PCDHB5: variants seen among roughly 807,000 people sequenced by gnomAD.
The protein encoded by PCDHB5 is protocadherin beta 5.
For missense variants in PCDHB5, 1,125 were observed against 1,029.4 expected (o/e 1.09, Z -1.27); for synonymous variants, 569 against 462.2 (o/e 1.23, Z -2.96).
rs246726 is a variant in PCDHB5 at position 141,137,213 on chromosome 5, T to A, written c.1779T>A (p.Gly593=). Residue 593 remains glycine (G), a synonymous_variant, in exon 1 of 1, where the codon GGT becomes GGA. Coordinates refer to ENST00000231134, the MANE Select transcript of PCDHB5 (RefSeq NM_015669.5). ...TGACCAAGGTGGTGGCGGTGGACGG[T>A]GACTCGGGCCAGAACGCCTGGCTGT... is the stretch of plus-strand genomic sequence containing the variant. ...YLVTKVVAVD[G]DSGQNAWLSY... 12 of 1,610,624 alleles carry A rather than the reference T, an allele frequency of 7.5e-6. No homozygotes were observed. The Admixed American group carries it at 2.0e-4, about 27-fold the overall frequency.
rs782800353 is a variant in PCDHB5 at position 141,137,519 on chromosome 5, G to A, written c.2085G>A (p.Ser695=). 40 of 1,612,380 alleles carry A rather than the reference G, an allele frequency of 2.5e-5. 1 individual carries two copies. The South Asian group carries it at 4.0e-4, about 16-fold the overall frequency. The change falls in exon 1 of 1, where the codon TCG becomes TCA. Residue 695 remains serine (S), a synonymous_variant. Transcript: ENST00000231134. The part of the protein sequence containing the change: ...LTVYLVVALA[S]VSSLFLFSVL... ...TCTACCTGGTGGTGGCATTGGCCTCGGTGTCGTCGCTCTTCCTCTTTTCGG... is the reference window on the plus strand; with the variant it reads ...TCTACCTGGTGGTGGCATTGGCCTCAGTGTCGTCGCTCTTCCTCTTTTCGG...
Position 141,136,469 on chromosome 5 carries a change from A to G in PCDHB5, c.1035A>G (p.Glu345=), listed in dbSNP as rs781786268. 29 of 1,613,628 alleles carry G rather than the reference A, an allele frequency of 1.8e-5. No individual in the cohort carries two copies. The African/African-American group carries it at 2.9e-4, about 16-fold the overall frequency. The part of the protein sequence containing the change: ...EVVDVNDNAP[E]LTMSTLSSPT... ...TGGATGTGAATGACAACGCCCCTGA[A>G]CTCACCATGTCTACGCTCTCCAGCC... The change falls in exon 1 of 1, where the codon GAA becomes GAG. Residue 345 remains glutamate, a synonymous_variant. Coordinates refer to ENST00000231134, the MANE Select transcript of PCDHB5 (RefSeq NM_015669.5).
chr5:141,136,677 G>T lies in PCDHB5; in HGVS notation c.1243G>T (p.Glu415Ter). The T allele has an allele frequency of 6.2e-7, 1 of 1,614,098 alleles. No individual in the cohort carries two copies. The highest frequency in any genetic ancestry group is 8.5e-7 in the Non-Finnish European group (1 of 1,180,036). ...AACACTGGACAGAGAGAGCCAAGCC[G>T]AGTACAACATCACCATCACTGTCAC... Reference protein sequence around the residue: ...QRTLDRESQAEYNITITVTDM... With the variant: ...QRTLDRESQA Residue 415 changes from glutamate to a stop codon, truncating the protein, a stop_gained, in exon 1 of 1, where the codon GAG becomes TAG. Transcript: ENST00000231134. LOFTEE classifies it low-confidence loss of function (END_TRUNC).
chr5:141,136,041 G>C lies in PCDHB5; in HGVS notation c.607G>C (p.Glu203Gln). Residue 203 changes from glutamate to glutamine, a missense_variant, in exon 1 of 1, where the codon GAG (glutamate) becomes CAG (glutamine). Physicochemically the swap from Glu to Gln is conservative, Grantham distance 29. Transcript: ENST00000231134. The stretch of plus-strand genomic sequence containing the variant: ...GGTGCTGGACAAAGCGCTGGACCGG[G>C]AGGAGCGGCCTGAGCTCAGCTTAAC... ...ELVLDKALDR[E>Q]ERPELSLTLT... The C allele has an allele frequency of 6.2e-7, 1 of 1,614,240 alleles. No individual in the cohort carries two copies.
Position 141,136,254 on chromosome 5 carries a change from T to C in PCDHB5, c.820T>C (p.Tyr274His), listed in dbSNP as rs1554275851. 1 of 1,614,164 alleles carries C rather than the reference T, an allele frequency of 6.2e-7. No homozygotes were observed. The highest frequency in any genetic ancestry group is 8.5e-7 in the Non-Finnish European group (1 of 1,180,000). The change falls in exon 1 of 1, where the codon TAT becomes CAT. Residue 274 changes from tyrosine to histidine, a missense_variant. Transcript: ENST00000231134. Reference sequence around the variant, plus strand: ...CGCTCGAGATTTAGATGCAGGAGCATATGGGAGTGTAGCCTATGCTCTATT... The same window carrying C: ...CGCTCGAGATTTAGATGCAGGAGCACATGGGAGTGTAGCCTATGCTCTATT... ...VSARDLDAGA[Y>H]GSVAYALFQG...
At position 141,137,478 on chromosome 5, in the gene PCDHB5, G is replaced by C; in HGVS notation, c.2044G>C (p.Ala682Pro). ...GGAGGCGGCCCCGGCCCAGGCCCAG[G>C]CCGACTCGCTCACTGTCTACCTGGT... is the stretch of plus-strand genomic sequence containing the variant. Reference protein sequence around the residue: ...LPEAAPAQAQADSLTVYLVVA... With the variant: ...LPEAAPAQAQPDSLTVYLVVA... The change falls in exon 1 of 1, where the codon GCC becomes CCC. Residue 682 changes from alanine (A) to proline (P), a missense_variant. Ala to Pro is a conservative substitution (Grantham distance 27, BLOSUM62 -1). Coordinates refer to ENST00000231134, the MANE Select transcript of PCDHB5 (RefSeq NM_015669.5). The C allele has an allele frequency of 6.2e-7, 1 of 1,612,668 alleles. No homozygotes were observed.
At position 141,136,718 on chromosome 5, in the gene PCDHB5, C is replaced by T; in HGVS notation, c.1284C>T (p.Pro428=). ...TCACTGTCACCGACATGGGGACACC[C>T]AGGCTGAAAACCGAGCACAACATAA... ...ITITVTDMGT[P]RLKTEHNITV... Residue 428 remains proline (P), a synonymous_variant, in exon 1 of 1, where the codon CCC becomes CCT. Coordinates refer to ENST00000231134, the MANE Select transcript of PCDHB5 (RefSeq NM_015669.5). The T allele has an allele frequency of 6.2e-7, 1 of 1,614,158 alleles. No individual in the cohort carries two copies. Among genetic ancestry groups the T allele is most frequent in the African/African-American group, 1.3e-5 (1 of 75,038 alleles).
rs61747436 is a variant in PCDHB5 at position 141,137,138 on chromosome 5, G to C, written c.1704G>C (p.Ser568=). Residue 568 remains serine, a synonymous_variant, in exon 1 of 1, where the codon TCG becomes TCC. Transcript: ENST00000231134. The part of the protein sequence containing the change: ...PFVLYPLQNG[S]APCTELVPRA... Reference sequence around the variant, plus strand: ...TGCTGTATCCGCTGCAGAACGGCTCGGCGCCTTGCACCGAGCTGGTGCCCC... The same window carrying C: ...TGCTGTATCCGCTGCAGAACGGCTCCGCGCCTTGCACCGAGCTGGTGCCCC... The C allele has an allele frequency of 1.7e-3, 2,803 of 1,609,588 alleles. 8 individuals carry two copies. The highest frequency in any genetic ancestry group is 2.7e-3 in the Middle Eastern group (12 of 4,468).
At position 141,136,908 on chromosome 5, in the gene PCDHB5, C is replaced by A. The variant is rs377163351; in HGVS notation, c.1474C>A (p.Pro492Thr). 60 of 1,612,560 alleles carry A rather than the reference C, an allele frequency of 3.7e-5. No individual in the cohort carries two copies. The South Asian group carries it at 6.5e-4, about 17-fold the overall frequency. The stretch of plus-strand genomic sequence containing the variant: ...CCAGGTCACCTACTCGCTGCTGCCG[C>A]CCCAGAACCCACACCTGCGCCTCGC... ...NAQVTYSLLP[P>T]QNPHLRLASL... The change falls in exon 1 of 1, where the codon CCC (proline) becomes ACC (threonine). Residue 492 changes from proline (P) to threonine (T), a missense_variant. Pro to Thr is a conservative substitution (Grantham distance 38, BLOSUM62 -1). Coordinates refer to ENST00000231134, the MANE Select transcript of PCDHB5 (RefSeq NM_015669.5).
Position 141,136,830 on chromosome 5 carries a change from G to C in PCDHB5, c.1396G>C (p.Ala466Pro). 6.2e-7 allele frequency: 1 copy of C among 1,613,258 alleles called. No homozygotes were observed. The highest frequency in any genetic ancestry group is 2.2e-5 in the East Asian group (1 of 44,870). Residue 466 changes from alanine (A) to proline (P), a missense_variant, in exon 1 of 1, where the codon GCC becomes CCC. Coordinates refer to ENST00000231134, the MANE Select transcript of PCDHB5 (RefSeq NM_015669.5). ...GTTCGTCCGAGAGAACAACAGCCCC[G>C]CCCTGCACATCGGCAGTGTCAGCGC... Reference protein sequence around the residue: ...TLFVRENNSPALHIGSVSATD... With the variant: ...TLFVRENNSPPLHIGSVSATD...
rs781978766 is a variant in PCDHB5, at chr5:141,135,977, T to C, written c.543T>C (p.Ala181=). The C allele has an allele frequency of 6.2e-7, 1 of 1,614,214 alleles. No homozygotes were observed. The highest frequency in any genetic ancestry group is 8.5e-7 in the Non-Finnish European group (1 of 1,180,036). The change falls in exon 1 of 1, where the codon GCT becomes GCC. Residue 181 remains alanine (A), a synonymous_variant. Transcript: ENST00000231134. ...GCCCAAATTCACACTTTCATGTTGC[T>C]ACGCATAATCGCGGAGATGGCAGAA... The part of the protein sequence containing the change: ...TISPNSHFHV[A]THNRGDGRKY...
In PCDHB5 at chr5:141,137,167, C is replaced by A; in HGVS notation, c.1733C>A (p.Ala578Glu). The A allele has an allele frequency of 1.2e-6, 2 of 1,610,566 alleles. No individual in the cohort carries two copies. The highest frequency in any genetic ancestry group is 1.7e-6 in the Non-Finnish European group (2 of 1,179,572). The change falls in exon 1 of 1, where the codon GCG (alanine) becomes GAG (glutamate). Residue 578 changes from alanine (A) to glutamate (E), a missense_variant. Transcript: ENST00000231134. The part of the protein sequence containing the change: ...SAPCTELVPR[A>E]AEPGYLVTKV... The stretch of plus-strand genomic sequence containing the variant: ...CCTTGCACCGAGCTGGTGCCCCGGG[C>A]GGCCGAGCCGGGCTACCTGGTGACC...
Position 141,137,176 on chromosome 5 carries a change from C to T in PCDHB5, c.1742C>T (p.Pro581Leu), listed in dbSNP as rs782597092. The T allele has an allele frequency of 6.2e-7, 1 of 1,610,830 alleles. No homozygotes were observed. Among genetic ancestry groups the T allele is most frequent in the South Asian group, 1.1e-5 (1 of 90,950 alleles). ...CTELVPRAAEPGYLVTKVVAV... is the reference protein window; with the variant it reads ...CTELVPRAAELGYLVTKVVAV... ...GAGCTGGTGCCCCGGGCGGCCGAGC[C>T]GGGCTACCTGGTGACCAAGGTGGTG... is the stretch of plus-strand genomic sequence containing the variant. The change falls in exon 1 of 1, where the codon CCG (proline) becomes CTG (leucine). Residue 581 changes from proline to leucine, a missense_variant. Pro to Leu is a moderately conservative substitution (Grantham distance 98, BLOSUM62 -3). Transcript: ENST00000231134.
Position 141,136,454 on chromosome 5 carries a change from T to C in PCDHB5, c.1020T>C (p.Asn340=). 1 of 1,614,170 alleles carries C rather than the reference T, an allele frequency of 6.2e-7. No individual in the cohort carries two copies. ...TGGCTATAGAAGTGGTGGATGTGAATGACAACGCCCCTGAACTCACCATGT... is the reference window on the plus strand; with the variant it reads ...TGGCTATAGAAGTGGTGGATGTGAACGACAACGCCCCTGAACTCACCATGT... The part of the protein sequence containing the change: ...CTVAIEVVDV[N]DNAPELTMST... Residue 340 remains asparagine (N), a synonymous_variant, in exon 1 of 1, where the codon AAT becomes AAC. Coordinates refer to ENST00000231134, the MANE Select transcript of PCDHB5 (RefSeq NM_015669.5).
Position 141,135,612 on chromosome 5 carries a change from G to A in PCDHB5, c.178G>A (p.Ala60Thr), listed in dbSNP as rs559743035. 2.5e-6 allele frequency: 4 copies of A among 1,614,118 alleles called. No individual in the cohort carries two copies. The highest frequency in any genetic ancestry group is 1.1e-5 in the South Asian group (1 of 91,044). ...KDLGLGVGEL[A>T]TRGARMHYKG... ...CCTGGGTCTTGGGGTGGGGGAACTG[G>A]CCACTCGGGGCGCGCGAATGCATTA... is the stretch of plus-strand genomic sequence containing the variant. The change falls in exon 1 of 1, where the codon GCC (alanine) becomes ACC (threonine). Residue 60 changes from alanine to threonine, a missense_variant. Coordinates refer to ENST00000231134, the MANE Select transcript of PCDHB5 (RefSeq NM_015669.5).
In PCDHB5 at chr5:141,136,333, T is replaced by A; in HGVS notation, c.899T>A (p.Ile300Asn). The change falls in exon 1 of 1, where the codon ATT (isoleucine) becomes AAT (asparagine). Residue 300 changes from isoleucine to asparagine, a missense_variant. By Grantham distance (149) the Ile-to-Asn change is moderately radical. Transcript: ENST00000231134. ...PFVIDEKTAE[I>N]RLKRALDFEA... is the part of the protein sequence containing the mutation. ...GTAATAGACGAGAAAACAGCAGAAA[T>A]TCGCCTGAAAAGGGCATTGGATTTC... The A allele has an allele frequency of 6.8e-6, 11 of 1,614,148 alleles. No individual in the cohort carries two copies. The highest frequency in any genetic ancestry group is 7.6e-6 in the Non-Finnish European group (9 of 1,180,036).
chr5:141,137,007 G>A lies in PCDHB5; in HGVS notation c.1573G>A (p.Ala525Thr), dbSNP rs568526523. The A allele has an allele frequency of 6.2e-7, 1 of 1,612,220 alleles. No individual in the cohort carries two copies. The highest frequency in any genetic ancestry group is 2.2e-5 in the East Asian group (1 of 44,872). The change falls in exon 1 of 1, where the codon GCG (alanine) becomes ACG (threonine). Residue 525 changes from alanine (A) to threonine (T), a missense_variant. Ala to Thr is a moderately conservative substitution (Grantham distance 58). Transcript: ENST00000231134. ...LRSLDYEALQ[A>T]FEFRVGATDR... ...GTCGCTGGACTACGAGGCCCTGCAG[G>A]CGTTCGAGTTCCGCGTGGGAGCCAC...
chr5:141,137,702 A>G lies in PCDHB5; in HGVS notation c.2268A>G (p.Gly756=). The change falls in exon 1 of 1, where the codon GGA becomes GGG. Residue 756 remains glycine (G), a synonymous_variant. Coordinates refer to ENST00000231134, the MANE Select transcript of PCDHB5 (RefSeq NM_015669.5). ...QSYHYEVCLT[G]DSGAGEFKFL... ...ACCACTACGAGGTGTGTTTGACCGG[A>G]GACTCAGGGGCCGGCGAGTTCAAGT... is the stretch of plus-strand genomic sequence containing the variant. 1 of 1,614,208 alleles carries G rather than the reference A, an allele frequency of 6.2e-7. No homozygotes were observed. Among genetic ancestry groups the G allele is most frequent in the Non-Finnish European group, 8.5e-7 (1 of 1,180,042 alleles).
rs1752562638 is a variant in PCDHB5, at chr5:141,136,037, C to T, written c.603C>T (p.Asp201=). ...AGCTGGTGCTGGACAAAGCGCTGGACCGGGAGGAGCGGCCTGAGCTCAGCT... is the reference window on the plus strand; with the variant it reads ...AGCTGGTGCTGGACAAAGCGCTGGATCGGGAGGAGCGGCCTGAGCTCAGCT... The part of the protein sequence containing the change: ...YPELVLDKAL[D]REERPELSLT... The change falls in exon 1 of 1, where the codon GAC becomes GAT. Residue 201 remains aspartate (D), a synonymous_variant. Coordinates refer to ENST00000231134, the MANE Select transcript of PCDHB5 (RefSeq NM_015669.5). 1.9e-6 allele frequency: 3 copies of T among 1,614,192 alleles called. No individual in the cohort carries two copies. Among genetic ancestry groups the T allele is most frequent in the Middle Eastern group, 3.3e-4 (2 of 6,062 alleles).
Sources: gnomAD v4.1 joint callset for allele counts on GRCh38, gnomAD v4.1.1 for gene constraint, MANE v1.5 for transcripts, NCBI Gene and HGNC (gene_info 2026-07-23, HGNC 2026-07-21) for gene names.